RBFOX2: variants seen among roughly 807,000 people sequenced by gnomAD.
The protein encoded by RBFOX2 is RNA binding protein fox-1 homolog 2.
A neutral mutation model predicts 49.1 loss-of-function variants in RBFOX2; 10 were observed. The observed-to-expected ratio is 0.20, with a 90% CI of 0.13 to 0.35. RBFOX2 has a LOEUF of 0.35. Ranked by LOEUF, RBFOX2 falls within the 10% of genes least tolerant of loss-of-function variation. The pLI, the probability that RBFOX2 is intolerant of heterozygous loss-of-function variation, is 1.00. For missense variants in RBFOX2, 323 were observed against 486.9 expected, an observed-to-expected ratio of 0.66 and a Z score of 3.17; for synonymous variants, 183 against 187.4, an observed-to-expected ratio of 0.98 and a Z score of 0.19.
chr22:35,989,648 GA>G (rs555621590), intron 1 of RBFOX2, among the ~76,000 whole-genome samples: 100 of 151,908 alleles, frequency 6.6e-4, no homozygotes, highest in African/African-American at 2.3e-3. Flanking sequence ...TAAAGTTGAT[GA>G]AAAAAAGATA....
chr22:35,891,926 G>A (rs754346377), intron 1 of RBFOX2, among the ~76,000 whole-genome samples: 15 of 151,590 alleles, frequency 9.9e-5, no homozygotes, highest in Non-Finnish European at 1.5e-5. Flanking sequence ...GGGCTCCCGA[G>A]CCACGAGTAC....
chr22:35,769,834 G>T lies in RBFOX2; in HGVS notation c.454-1485C>A, dbSNP rs141145287. ...TTGTTTTGAAGGATCTGATAACTCAGCATTCTAAGTGATTATGTGGGTGGG... is the reference window on the plus strand; with the variant it reads ...TTGTTTTGAAGGATCTGATAACTCATCATTCTAAGTGATTATGTGGGTGGG... On this transcript the variant is annotated intron_variant, in intron 4 of 11. Transcript: ENST00000405409. Among the ~76,000 whole-genome samples the T allele has an allele frequency of 2.8e-4, 43 of 152,252 alleles. No individual in the cohort carries two copies. In the East Asian group the frequency reaches 4.2e-3, roughly 15 times the overall value.
intron 4 of RBFOX2, among the ~76,000 whole-genome samples, chr22:35,768,561 T>A (rs1046212922): frequency 2.6e-5 from 4 of 151,988 alleles, no homozygotes; most frequent in African/African-American, 9.7e-5. Context: ...TAATAATAAT[T>A]AACAGCAATG....
chr22:35,748,001 C>CTTTTA lies in RBFOX2; in HGVS notation c.888-1445_888-1441dup, dbSNP rs1933411018. On this transcript the variant is annotated intron_variant, in intron 9 of 11. Coordinates refer to ENST00000405409, the Ensembl canonical transcript of RBFOX2. ...TTGCATGGCAAGTCCTAGCTTGCTT[C>CTTTTA]TTTTATTTGTTACCCCTTATTTTAG... is the stretch of plus-strand genomic sequence containing the variant. The CTTTTA allele has an allele frequency of 6.6e-5, 10 of 152,300 alleles. No homozygotes were observed. The South Asian group carries it at 2.1e-3, about 32-fold the overall frequency. 9.4% of individuals were successfully genotyped at this position (152,300 alleles called of 1,614,324 possible).
chr22:35,818,663 T>G (rs1217423766), intron 1 of RBFOX2, among the ~76,000 whole-genome samples: 1 of 152,100 alleles, frequency 6.6e-6, no homozygotes. Flanking sequence ...GGCATGCACC[T>G]GTAGTACTAC....
At chr22:36,015,697 C>A (rs558258407) in intron 1 of RBFOX2, among the ~76,000 whole-genome samples, 1 of 152,254 alleles carries the variant, frequency 6.6e-6, no homozygotes, top group Admixed American at 6.5e-5. Context: ...TAGGGGATAG[C>A]GACCTCATTT....
intron 1 of RBFOX2, among the ~76,000 whole-genome samples, chr22:36,014,122 CTT>C (rs1338157670): frequency 9.4e-5 from 13 of 137,736 alleles, no homozygotes; most frequent in Admixed American, 7.3e-5. Context: ...ATTATCATTT[CTT>C]TTTTTTTTTT....
intron 9 of RBFOX2, among the ~76,000 whole-genome samples, chr22:35,754,241 G>T (rs558130193): frequency 6.6e-6 from 1 of 151,480 alleles, no homozygotes; most frequent in East Asian, 2.0e-4. Flanking sequence ...ACAGGCGCCC[G>T]CCACCACGCC....
chr22:35,949,465 T>C (rs1416776988), intron 1 of RBFOX2, among the ~76,000 whole-genome samples: 3 of 152,356 alleles, frequency 2.0e-5, no homozygotes, highest in Admixed American at 1.3e-4. Flanking sequence ...TATTTAACTT[T>C]TTAAGGGACT....
At chr22:35,980,988 G>A (rs1234426626) in intron 1 of RBFOX2, among the ~76,000 whole-genome samples, 1 of 152,126 alleles carries the variant, frequency 6.6e-6, no homozygotes, top group Non-Finnish European at 1.5e-5. Context: ...AAGAAAAATG[G>A]TAAAAAAGCA....
At chr22:35,928,653 CAT>C (rs1237331366) in intron 1 of RBFOX2, among the ~76,000 whole-genome samples, 2 of 152,158 alleles carry the variant, frequency 1.3e-5, no homozygotes, top group Non-Finnish European at 2.9e-5. Context: ...GACGAAGATA[CAT>C]ATTACAAAAC....
chr22:35,947,252 T>A (rs1043654845), intron 1 of RBFOX2, among the ~76,000 whole-genome samples: 1 of 152,132 alleles, frequency 6.6e-6, no homozygotes, highest in Non-Finnish European at 1.5e-5. Flanking sequence ...ACATCATAAC[T>A]GTCATGGCAC....
chr22:35,873,162 A>T (rs2044581335), intron 1 of RBFOX2, among the ~76,000 whole-genome samples: 1 of 152,108 alleles, frequency 6.6e-6, no homozygotes. Flanking sequence ...TTTTTTTGAG[A>T]CACAGTCTTG....
chr22:35,855,921 T>C (rs1234375268), intron 1 of RBFOX2, among the ~76,000 whole-genome samples: 9 of 151,642 alleles, frequency 5.9e-5, no homozygotes, highest in African/African-American at 1.9e-4. Context: ...GTGGGAAGAC[T>C]GCTTAAGCCT....
intron 1 of RBFOX2, among the ~76,000 whole-genome samples, chr22:35,823,635 G>C (rs1954999872): frequency 6.6e-6 from 1 of 152,064 alleles, no homozygotes; most frequent in Admixed American, 6.5e-5. Context: ...GTTAATTCCA[G>C]TTTCCTGTAT....
At chr22:35,918,694 G>T (rs1352133740) in intron 1 of RBFOX2, among the ~76,000 whole-genome samples, 1 of 152,176 alleles carries the variant, frequency 6.6e-6, no homozygotes, top group African/African-American at 2.4e-5. Context: ...ATGAGGTATT[G>T]TAGGGGGCAA....
At chr22:35,877,258 A>C (rs2045249887) in intron 1 of RBFOX2, among the ~76,000 whole-genome samples, 1 of 152,176 alleles carries the variant, frequency 6.6e-6, no homozygotes. Context: ...ATGCTTAATA[A>C]GTACTTGCTA....
chr22:36,006,608 G>C (rs1219413108), intron 1 of RBFOX2, among the ~76,000 whole-genome samples: 1 of 152,154 alleles, frequency 6.6e-6, no homozygotes, highest in Non-Finnish European at 1.5e-5. Flanking sequence ...ATGATTGCAA[G>C]AGAACAGCAG....
At chr22:36,028,784 T>C (rs1381694413) in exon 1 of RBFOX2, among the ~76,000 whole-genome samples, 1 of 151,494 alleles carries the variant, frequency 6.6e-6, no homozygotes, top group African/African-American at 2.4e-5. Context: ...GCTCACACTC[T>C]CCCTCACAGC....
Sources: gnomAD v4.1 joint callset for allele counts (sites outside exome capture counted in the v4.1 genomes callset) on GRCh38, gnomAD v4.1.1 for gene constraint, MANE v1.5 for transcripts, NCBI Gene and HGNC (gene_info 2026-07-23, HGNC 2026-07-21) for gene names.